The following ENG variants were observed in gnomAD, a reference collection of about 807,000 sequenced individuals.
The protein encoded by ENG is endoglin, also known as CD105 antigen.
ENG carries 17 observed loss-of-function variants against 71.0 expected under a neutral mutation model. The ratio of observed to expected loss-of-function variants is 0.24; its 90% CI spans 0.16 to 0.36. ENG has a LOEUF of 0.36. ENG is among the 10% of genes least tolerant of loss of function. ENG has a pLI of 1.00. For missense variants in ENG, 749 were observed against 868.3 expected, an observed-to-expected ratio of 0.86 and a Z score of 1.73; for synonymous variants, 360 against 366.9, an observed-to-expected ratio of 0.98 and a Z score of 0.21.
intron 9 of ENG, 53 bp from the exon 10 acceptor site, chr9:127,819,713 T>A (rs2131878763): frequency 6.3e-7 from 1 of 1,587,476 alleles, no homozygotes; most frequent in African/African-American, 1.3e-5. Context: ...CCCCAGAGGG[T>A]ATCCCACCCA....
intron 10 of ENG, among the ~76,000 whole-genome samples, 168 bp from the exon 11 acceptor site, chr9:127,819,000 C>T (rs1330120058): frequency 2.0e-5 from 3 of 150,302 alleles, no homozygotes; most frequent in Admixed American, 6.6e-5. Context: ...TGCAGTGGTG[C>T]GATCTCAGCT....
chr9:127,854,358 T>C lies in ENG; in HGVS notation c.-3A>G, dbSNP rs1161929051. The C allele has an allele frequency of 6.3e-7, 1 of 1,586,976 alleles. No individual in the cohort carries two copies. On this transcript the variant is annotated 5_prime_UTR_variant, in exon 1 of 15. Coordinates refer to ENST00000373203, the MANE Select transcript of ENG (RefSeq NM_001114753.3). ...AGAGGGAGCGTGCCGCGGTCCATGC[T>C]GTCCACGTGGGGGCCTGTGCGCTGG...
chr9:127,847,061 TC>T, intron 1 of ENG: 2 of 534,918 alleles, frequency 3.7e-6, no homozygotes, highest in Non-Finnish European at 4.8e-6. Context: ...AGCCTCAGTT[TC>T]CCCATTTGCA....
At chr9:127,828,635 C>T in intron 3 of ENG, among the ~76,000 whole-genome samples, 1 of 152,160 alleles carries the variant, frequency 6.6e-6, no homozygotes. Context: ...CCCTTCTGGG[C>T]GGCCGAGGGA....
chr9:127,824,872 T>C lies in ENG; in HGVS notation c.919A>G (p.Asn307Asp), dbSNP rs1830568253. The C allele has an allele frequency of 3.1e-6, 5 of 1,611,266 alleles. No homozygotes were observed. Among genetic ancestry groups the C allele is most frequent in the Non-Finnish European group, 4.2e-6 (5 of 1,179,004 alleles). ...QGLLGEARMLNASIVASFVEL... is the reference protein window; with the variant it reads ...QGLLGEARMLDASIVASFVEL... ...ACGAAGGATGCCACAATGCTGGCAT[T>C]GAGCATCCGGGCCTCCCCCAGGAGG... Residue 307 changes from asparagine to aspartate, a missense_variant, in exon 7 of 15, where the codon AAT becomes GAT. Transcript: ENST00000373203.
At chr9:127,854,234 C>T in intron 1 of ENG, 55 bp downstream of exon 1, 3 of 1,529,930 alleles carry the variant, frequency 2.0e-6, no homozygotes, top group South Asian at 1.2e-5. Flanking sequence ...ATACTTGGGG[C>T]CTGGTCCGTG....
intron 1 of ENG, among the ~76,000 whole-genome samples, chr9:127,844,053 G>A (rs1831114618): frequency 6.7e-6 from 1 of 149,748 alleles, no homozygotes; most frequent in Non-Finnish European, 1.5e-5. Flanking sequence ...TTACAGGCGT[G>A]AGCCACCGTG....
At chr9:127,834,630 C>A (rs959731377) in intron 2 of ENG, among the ~76,000 whole-genome samples, 1 of 151,920 alleles carries the variant, frequency 6.6e-6, no homozygotes, top group African/African-American at 2.4e-5. Flanking sequence ...GTCTCGAACT[C>A]CTGACCTCAT....
intron 8 of ENG, 44 bp downstream of exon 8, chr9:127,824,260 G>A: frequency 6.2e-7 from 1 of 1,613,858 alleles, no homozygotes; most frequent in Non-Finnish European, 8.5e-7. Flanking sequence ...GGAGGAACCA[G>A]ATGTCCATGT....
At chr9:127,830,873 T>A (rs1830749331) in intron 2 of ENG, among the ~76,000 whole-genome samples, 2 of 152,016 alleles carry the variant, frequency 1.3e-5, no homozygotes, top group Non-Finnish European at 2.9e-5. Flanking sequence ...TTTGCAATAT[T>A]CCTGCTTGTC....
rs755626994 is a variant in ENG at position 127,843,202 on chromosome 9, G to C, written c.111C>G (p.Pro37=). 11 of 1,614,204 alleles carry C rather than the reference G, an allele frequency of 6.8e-6. No individual in the cohort carries two copies. In the East Asian group the frequency reaches 2.5e-4, roughly 36 times the overall value. Residue 37 remains proline (P), a synonymous_variant, in exon 2 of 15, where the codon CCC becomes CCG. Coordinates refer to ENST00000373203, the MANE Select transcript of ENG (RefSeq NM_001114753.3). ...TVHCDLQPVG[P]ERGEVTYTTS... is the part of the protein sequence containing the mutation. ...TGGTATATGTCACCTCGCCCCTCTCGGGGCCCACAGGCTGAAGGTCACAAT... is the reference window on the plus strand; with the variant it reads ...TGGTATATGTCACCTCGCCCCTCTCCGGGCCCACAGGCTGAAGGTCACAAT...
intron 2 of ENG, among the ~76,000 whole-genome samples, chr9:127,841,663 A>C (rs1454684109): frequency 6.6e-6 from 1 of 152,194 alleles, no homozygotes. Flanking sequence ...ACGCAAGGCA[A>C]CTTAACAGTT....
At chr9:127,827,367 C>A (rs1310290998) in intron 3 of ENG, among the ~76,000 whole-genome samples, 1 of 152,178 alleles carries the variant, frequency 6.6e-6, no homozygotes, top group African/African-American at 2.4e-5. Flanking sequence ...ACAAAGGAGC[C>A]AGACAGATCT....
rs544319834 is a variant in ENG at position 127,825,565 on chromosome 9, C to T, written c.689+130G>A. The T allele has an allele frequency of 2.4e-4, 294 of 1,240,860 alleles. 2 individuals are homozygous for T. In the East Asian group the frequency reaches 7.7e-3, roughly 33 times the overall value. The allele number at this position is 1,240,860 out of a possible 1,614,324, so 76.9% of individuals were successfully genotyped here. On this transcript the variant is annotated intron_variant, in intron 5 of 14. Coordinates refer to ENST00000373203, the MANE Select transcript of ENG (RefSeq NM_001114753.3). ...GTAGGAGAAAGCGACTGTGCTCTCA[C>T]AGGGCTGCGGCGGGGCTGGGGCTGG... is the stretch of plus-strand genomic sequence containing the variant.
chr9:127,824,211 C>T (rs909048513), intron 8 of ENG, 93 bp downstream of exon 8: 2 of 1,592,520 alleles, frequency 1.3e-6, no homozygotes, highest in South Asian at 2.2e-5. Context: ...GTGACTTGCC[C>T]CCCTGCCTGG....
chr9:127,827,574 C>T (rs10760505), intron 3 of ENG, among the ~76,000 whole-genome samples: 47,079 of 152,094 alleles, frequency 0.31, 8,530 homozygotes, highest in East Asian at 0.57. Flanking sequence ...TGTACAGTCT[C>T]CAAAGCCAAG....
At chr9:127,821,056 T>C (rs769005315) in intron 8 of ENG, 1 of 152,218 alleles carries the variant, frequency 6.6e-6, no homozygotes, top group African/African-American at 2.4e-5. Context: ...CATAAAATTA[T>C]AACGAAGCTG....
In ENG at chr9:127,846,153, G is replaced by A. The variant is rs937131783; in HGVS notation, c.68-2908C>T. On this transcript the variant is annotated intron_variant, in intron 1 of 14. Transcript: ENST00000373203. This position sits in a 1 kb window ranked among gnomAD's most constrained non-coding sequence, Gnocchi z 5.5. ...GGTCCTCTGGGATGGAGAGGTCACT[G>A]GGATCTCCCTCACCCCAACAAAATC... Among the ~76,000 whole-genome samples the A allele has an allele frequency of 9.9e-5, 15 of 152,124 alleles. No homozygotes were observed. The highest frequency in any genetic ancestry group is 1.3e-4 in the Non-Finnish European group (9 of 68,004).
At chr9:127,835,466 G>T (rs1005139225) in intron 2 of ENG, among the ~76,000 whole-genome samples, 16 of 152,078 alleles carry the variant, frequency 1.1e-4, no homozygotes, top group African/African-American at 3.6e-4. Context: ...GAATTGCAAG[G>T]CCCACACGAT....
Sources: gnomAD v4.1 joint callset for allele counts (sites outside exome capture counted in the v4.1 genomes callset) on GRCh38, gnomAD v4.1.1 for gene constraint, Gnocchi (gnomAD v3.1) non-coding constraint, MANE v1.5 for transcripts, NCBI Gene and HGNC (gene_info 2026-07-23, HGNC 2026-07-21) for gene names.